CIT: variants seen among roughly 807,000 people sequenced by gnomAD.
The protein encoded by CIT is citron rho-interacting serine/threonine kinase.
A neutral mutation model predicts 272.7 loss-of-function variants in CIT; 79 were observed. That is an observed-to-expected ratio of 0.29 (90% CI 0.24 to 0.35). The LOEUF (loss-of-function observed/expected upper bound fraction) is 0.35. Among genes scored for constraint, CIT ranks in the 10% least tolerant of loss-of-function variants. The pLI is 1.00. For missense variants in CIT, 1,909 were observed against 2,618.3 expected, an observed-to-expected ratio of 0.73 and a Z score of 5.91; for synonymous variants, 948 against 995.6, an observed-to-expected ratio of 0.95 and a Z score of 0.90.
intron 26 of CIT, among the ~76,000 whole-genome samples, chr12:119,733,110 A>G (rs1958558202): frequency 6.6e-6 from 1 of 152,140 alleles, no homozygotes; most frequent in African/African-American, 2.4e-5. Flanking sequence ...GGAGTATGCA[A>G]TTGTGCCACT....
chr12:119,726,124 T>G (rs138244277), intron 28 of CIT, among the ~76,000 whole-genome samples: 1,610 of 152,258 alleles, frequency 0.011, 19 homozygotes, highest in South Asian at 0.016. Context: ...AAGTGTATAG[T>G]TCAGTGGCAT....
intron 10 of CIT, among the ~76,000 whole-genome samples, chr12:119,785,836 TC>T (rs1267185204): frequency 6.6e-6 from 1 of 152,128 alleles, no homozygotes; most frequent in Non-Finnish European, 1.5e-5. Context: ...CACCTCAGCC[TC>T]CCAAAGTGCT....
At chr12:119,744,772 G>A (rs1005945945) in intron 23 of CIT, among the ~76,000 whole-genome samples, 1 of 150,320 alleles carries the variant, frequency 6.7e-6, no homozygotes, top group African/African-American at 2.4e-5. Flanking sequence ...TTAGAGCTGT[G>A]ATGTTTTTTC....
At chr12:119,758,781 T>C in intron 20 of CIT, 81 bp from the exon 21 acceptor site, 1 of 945,134 alleles carries the variant, frequency 1.1e-6, no homozygotes, top group South Asian at 1.3e-5. Flanking sequence ...AAAAGTTTCA[T>C]CTGAAATGAC....
chr12:119,872,948 C>T (rs376900795), intron 2 of CIT, among the ~76,000 whole-genome samples: 5 of 152,260 alleles, frequency 3.3e-5, no homozygotes, highest in African/African-American at 7.2e-5. Context: ...AGGCACACAC[C>T]GCCATGCCTG....
chr12:119,690,075 C>G lies in CIT; in HGVS notation c.6186+76G>C. On this transcript the variant is annotated intron_variant, in intron 47 of 47. Transcript: ENST00000392521. The surrounding 1 kb of genome is among the most constrained non-coding windows in gnomAD (Gnocchi z 6.0). ...GAGTTCCTTTTTTAAACAACAGTGGCCCCGTGGGGGCCTCAGTTCCCCAAG... is the reference window on the plus strand; with the variant it reads ...GAGTTCCTTTTTTAAACAACAGTGGGCCCGTGGGGGCCTCAGTTCCCCAAG... 7.5e-7 allele frequency: 1 copy of G among 1,335,142 alleles called. No individual in the cohort carries two copies. The highest frequency in any genetic ancestry group is 2.9e-5 in the East Asian group (1 of 34,944). The allele number at this position is 1,335,142 out of a possible 1,614,324, so 82.7% of individuals were successfully genotyped here. A position where few individuals can be genotyped will look rare whatever the true frequency, so the allele number is the denominator to read the frequency against.
chr12:119,803,424 G>GA (rs753313026), intron 9 of CIT, 35 bp from the exon 10 acceptor site: 17 of 1,474,314 alleles, frequency 1.2e-5, no homozygotes, highest in Admixed American at 6.9e-5. Context: ...AGGCGGGGAG[G>GA]AAAAAAAATT....
chr12:119,750,750 TAGATAG>T (rs1960123330), intron 23 of CIT, among the ~76,000 whole-genome samples: 1 of 39,854 alleles, frequency 2.5e-5, no homozygotes, highest in African/African-American at 9.1e-5. Flanking sequence ...TATATAGATA[TAGATAG>T]ATAGATAGAT....
At chr12:119,745,060 C>T (rs1384044054) in intron 23 of CIT, among the ~76,000 whole-genome samples, 1 of 151,526 alleles carries the variant, frequency 6.6e-6, no homozygotes, top group Non-Finnish European at 1.5e-5. Context: ...GAAATAATGG[C>T]CACAAATTTT....
chr12:119,858,923 T>C (rs1950250810), intron 3 of CIT, among the ~76,000 whole-genome samples: 1 of 152,180 alleles, frequency 6.6e-6, no homozygotes, highest in Non-Finnish European at 1.5e-5. Flanking sequence ...CATGTCCAAA[T>C]GGATTTGCAA....
At chr12:119,730,102 T>C (rs1198152314) in intron 27 of CIT, among the ~76,000 whole-genome samples, 2 of 152,160 alleles carry the variant, frequency 1.3e-5, no homozygotes, top group African/African-American at 4.8e-5. Flanking sequence ...GAGCTGCCTA[T>C]TACTGCAGCA....
In CIT at chr12:119,850,192, G is replaced by C. The variant is rs1317520835; in HGVS notation, c.498C>G (p.Asp166Glu). The change falls in exon 5 of 48, where the codon GAC (aspartate) becomes GAG (glutamate). Residue 166 changes from aspartate (D) to glutamate (E), a missense_variant. Physicochemically the swap from Asp to Glu is conservative, Grantham distance 45 (BLOSUM62 2). Around this residue, in one of 8 missense-constraint regions of CIT, gnomAD observed 529 missense variants for 549.6 expected, o/e 0.96. Coordinates refer to ENST00000392521, the MANE Select transcript of CIT (RefSeq NM_001206999.2). ...GACTCACCAGATAAAGGTGATTTTT[G>C]TCCTGAAAGGCATACTGTAATTGGG... Reference protein sequence around the residue: ...WIPQLQYAFQDKNHLYLVMEY... With the variant: ...WIPQLQYAFQEKNHLYLVMEY... 7 of 1,607,844 alleles carry C rather than the reference G, an allele frequency of 4.4e-6. No homozygotes were observed.
intron 8 of CIT, 43 bp downstream of exon 8, chr12:119,825,122 A>T: frequency 6.4e-7 from 1 of 1,561,240 alleles, no homozygotes; most frequent in Non-Finnish European, 8.8e-7. Context: ...TTTTTAAATA[A>T]CGTTTCTCAA....
intron 9 of CIT, among the ~76,000 whole-genome samples, chr12:119,818,744 G>A (rs1041998632): frequency 2.6e-5 from 4 of 152,160 alleles, no homozygotes; most frequent in African/African-American, 4.8e-5. Flanking sequence ...GTTCTCTAGC[G>A]CATTAGCCAT....
rs79512561 is a variant in CIT, at chr12:119,814,086, T to C, written c.1111+8734A>G. Among the ~76,000 whole-genome samples the C allele has an allele frequency of 4.4e-4, 67 of 152,322 alleles. 1 individual carries two copies. In the East Asian group the frequency reaches 0.013, roughly 29 times the overall value. On this transcript the variant is annotated intron_variant, in intron 9 of 47. Transcript: ENST00000392521. ...TTATTTCCCTATCCTCATACTCCTT[T>C]CATCTAGATTTCTCTATTTATTCAT...
chr12:119,756,586 T>A (rs904396329), intron 22 of CIT, among the ~76,000 whole-genome samples: 1 of 151,700 alleles, frequency 6.6e-6, no homozygotes, highest in Non-Finnish European at 1.5e-5. Context: ...GGGGAGGGGG[T>A]TGCAGGGAGA....
intron 47 of CIT, 112 bp from the exon 48 acceptor site, chr12:119,688,367 T>C: frequency 9.5e-7 from 1 of 1,057,934 alleles, no homozygotes; most frequent in Non-Finnish European, 1.5e-6. Context: ...CTTCAGCAGC[T>C]AGCAGTGAGT....
chr12:119,712,504 A>G lies in CIT; in HGVS notation c.4684+87T>C, dbSNP rs1183242023. ...GAAGATGGGCCTCCTTTGCAGAGCC[A>G]ATCTTCCCTGTACCACCCCTTCTGT... On this transcript the variant is annotated intron_variant, in intron 36 of 47. Transcript: ENST00000392521. The surrounding 1 kb of genome is among the most constrained non-coding windows in gnomAD (Gnocchi z 5.2). The G allele has an allele frequency of 4.9e-6, 7 of 1,420,732 alleles. No homozygotes were observed. In the African/African-American group the frequency reaches 9.9e-5, roughly 20 times the overall value. The allele number at this position is 1,420,732 out of a possible 1,614,324, so 88.0% of individuals were successfully genotyped here.
At position 119,718,643 on chromosome 12, in the gene CIT, A is replaced by T; in HGVS notation, c.4003+56T>A. ...GTTAGTCTTGGCTGATCTCACTGAG[A>T]TCAATCCTCTGCCTTTTCCACATCC... On this transcript the variant is annotated intron_variant, in intron 31 of 47. Coordinates refer to ENST00000392521, the MANE Select transcript of CIT (RefSeq NM_001206999.2). This position sits in a 1 kb window ranked among gnomAD's most constrained non-coding sequence, Gnocchi z 4.8. The T allele has an allele frequency of 6.2e-7, 1 of 1,606,208 alleles. No homozygotes were observed. The highest frequency in any genetic ancestry group is 8.5e-7 in the Non-Finnish European group (1 of 1,175,472).
Sources: allele counts gnomAD v4.1 joint callset (sites outside exome capture counted in the v4.1 genomes callset), GRCh38; gene constraint gnomAD v4.1.1; regional missense constraint gnomAD v4.1.1; non-coding constraint Gnocchi (gnomAD v3.1); transcripts MANE v1.5; gene names NCBI Gene and HGNC (gene_info 2026-07-23, HGNC 2026-07-21).